DCBLD2: variants seen among roughly 807,000 people sequenced by gnomAD.
DCBLD2 encodes the protein discoidin, CUB and LCCL domain containing 2.
In DCBLD2, 54 loss-of-function variants were observed where a neutral mutation model predicts 86.8. The observed-to-expected ratio is 0.62, with a 90% CI of 0.50 to 0.78. The LOEUF (loss-of-function observed/expected upper bound fraction) is 0.78. Ranked by LOEUF, DCBLD2 falls within the 30% of genes least tolerant of loss-of-function variation. The pLI is 0.00. For missense variants in DCBLD2, 908 were observed against 954.2 expected (o/e 0.95, Z 0.64); for synonymous variants, 354 against 341.3 (o/e 1.04, Z -0.41).
At chr3:98,891,024 G>A (rs1468803758) in intron 1 of DCBLD2, among the ~76,000 whole-genome samples, 14 of 152,064 alleles carry the variant, frequency 9.2e-5, no homozygotes, top group Admixed American at 9.2e-4. Flanking sequence ...AGGAACAACA[G>A]TAAAAATGTC....
chr3:98,897,175 T>C (rs547766601), intron 1 of DCBLD2, among the ~76,000 whole-genome samples: 2 of 152,320 alleles, frequency 1.3e-5, no homozygotes, highest in Admixed American at 6.5e-5. Flanking sequence ...GATGTTCAAA[T>C]GGAATTATCA....
At position 98,822,307 on chromosome 3, in the gene DCBLD2, C is replaced by T; in HGVS notation, c.751G>A (p.Gly251Ser). ...CTAATTACAACACTGATTTGGCCGC[C>T]CAACGTGTTTGACACTACTCCTGCA... The part of the protein sequence containing the change: ...VHAGVVSNTL[G>S]GQISVVISKG... The change falls in exon 6 of 16, where the codon GGC becomes AGC. Residue 251 changes from glycine (G) to serine (S), a missense_variant. By Grantham distance (56) the Gly-to-Ser change is moderately conservative. This residue lies in a region of DCBLD2 where 606 missense variants were observed against 678.5 expected (regional missense o/e 0.89). Coordinates refer to ENST00000326840, the MANE Select transcript of DCBLD2 (RefSeq NM_080927.4). The T allele has an allele frequency of 6.2e-7, 1 of 1,613,896 alleles. No homozygotes were observed.
At position 98,849,548 on chromosome 3, in the gene DCBLD2, C is replaced by T. The variant is rs888765594; in HGVS notation, c.484G>A (p.Gly162Ser). Residue 162 changes from glycine (G) to serine (S), a missense_variant, in exon 3 of 16, where the codon GGC (glycine) becomes AGC (serine). This residue lies in a region of DCBLD2 where 294 missense variants were observed against 256.0 expected (regional missense o/e 1.15). Transcript: ENST00000326840. ...ATGAACAGCAATGTGATTTCATTGC[C>T]TTTTGATTCAATTGAATGGTTCATT... ...LQMNHSIESK[G>S]NEITLLFMSG... is the part of the protein sequence containing the mutation. 1.9e-5 allele frequency: 31 copies of T among 1,613,692 alleles called. No individual in the cohort carries two copies. In the East Asian group the frequency reaches 6.7e-4, roughly 35 times the overall value.
intron 13 of DCBLD2, among the ~76,000 whole-genome samples, chr3:98,806,347 A>G (rs943510569): frequency 3.9e-5 from 6 of 152,176 alleles, no homozygotes; most frequent in Non-Finnish European, 8.8e-5. Context: ...TTAGCATTCA[A>G]TTTTCTATAA....
intron 14 of DCBLD2, chr3:98,801,254 G>GTGT (rs1425416643): frequency 1.2e-4 from 33 of 281,208 alleles, no homozygotes; most frequent in African/African-American, 7.2e-4. Flanking sequence ...AACACACACT[G>GTGT]TGTCCTGGAG....
intron 9 of DCBLD2, chr3:98,816,072 C>G (rs951448681): frequency 2.7e-5 from 4 of 150,136 alleles, no homozygotes; most frequent in Admixed American, 2.6e-4. Flanking sequence ...AAAAAAGCCA[C>G]ATCAATCAAA....
At chr3:98,842,950 C>T (rs1450774775) in intron 3 of DCBLD2, among the ~76,000 whole-genome samples, 1 of 152,118 alleles carries the variant, frequency 6.6e-6, no homozygotes, top group Non-Finnish European at 1.5e-5. Context: ...CTTCTCAGCA[C>T]TCCTAATATG....
chr3:98,889,219 A>C (rs1468605058), intron 1 of DCBLD2, among the ~76,000 whole-genome samples: 1 of 151,988 alleles, frequency 6.6e-6, no homozygotes, highest in Admixed American at 6.6e-5. Context: ...AAGAGAAAAA[A>C]CTCACAAAAC....
At chr3:98,874,174 C>A (rs1243813766) in intron 2 of DCBLD2, among the ~76,000 whole-genome samples, 1 of 152,134 alleles carries the variant, frequency 6.6e-6, no homozygotes, top group Non-Finnish European at 1.5e-5. Flanking sequence ...CTAGATTGTT[C>A]AAATTCTCTG....
chr3:98,889,251 A>G (rs1943614479), intron 1 of DCBLD2, among the ~76,000 whole-genome samples: 1 of 152,028 alleles, frequency 6.6e-6, no homozygotes, highest in Non-Finnish European at 1.5e-5. Flanking sequence ...GTGTCATCAG[A>G]TAGTAATGGG....
chr3:98,888,558 G>A lies in DCBLD2; in HGVS notation c.206-6791C>T, dbSNP rs1943600054. ...TTAAGATTTAAACGACATACCATAC[G>A]AAAACAACTGGTGTCAAGGTCCTAA... On this transcript the variant is annotated intron_variant, in intron 1 of 15. Coordinates refer to ENST00000326840, the MANE Select transcript of DCBLD2 (RefSeq NM_080927.4). Among the ~76,000 whole-genome samples the A allele has an allele frequency of 6.6e-5, 10 of 152,022 alleles. No individual in the cohort carries two copies. The South Asian group carries it at 1.7e-3, about 25-fold the overall frequency.
rs866593806 is a variant in DCBLD2, at chr3:98,837,121, A to G, written c.572-11755T>C. On this transcript the variant is annotated intron_variant, in intron 3 of 15. Transcript: ENST00000326840. Reference sequence around the variant, plus strand: ...GGGCCGACACCCCCACCTCCCTCCCAGACGGGGTGGCTGGCCGGGCAGGGG... The same window carrying G: ...GGGCCGACACCCCCACCTCCCTCCCGGACGGGGTGGCTGGCCGGGCAGGGG... Among the ~76,000 whole-genome samples the G allele has an allele frequency of 0.046, 63 of 1,356 alleles. 28 individuals are homozygous for G. The East Asian group carries it at 0.75, about 16-fold the overall frequency. 0.9% of individuals were successfully genotyped at this position (1,356 alleles called of 152,430 possible). A position where few individuals can be genotyped will look rare whatever the true frequency, so the allele number is the denominator to read the frequency against.
At chr3:98,842,804 C>T (rs746196456) in intron 3 of DCBLD2, among the ~76,000 whole-genome samples, 1 of 151,982 alleles carries the variant, frequency 6.6e-6, no homozygotes, top group Non-Finnish European at 1.5e-5. Flanking sequence ...AAAATGAATA[C>T]AAAACATTAA....
intron 9 of DCBLD2, 82 bp downstream of exon 9, chr3:98,817,687 T>G: frequency 7.2e-7 from 1 of 1,387,274 alleles, no homozygotes; most frequent in Non-Finnish European, 1.0e-6. Context: ...CTTCTACATC[T>G]CTTTTATACA....
At chr3:98,900,418 G>A (rs1437026354) in intron 1 of DCBLD2, among the ~76,000 whole-genome samples, 2 of 152,052 alleles carry the variant, frequency 1.3e-5, no homozygotes, top group East Asian at 1.9e-4. Flanking sequence ...ATTATGATAA[G>A]TATTTAATAA....
intron 12 of DCBLD2, among the ~76,000 whole-genome samples, chr3:98,810,009 A>T (rs1220648798): frequency 6.6e-6 from 1 of 152,160 alleles, no homozygotes; most frequent in Non-Finnish European, 1.5e-5. Context: ...TTTATATACT[A>T]CCATCCCCCT....
chr3:98,836,926 C>A (rs1942473181), intron 3 of DCBLD2, among the ~76,000 whole-genome samples: 3 of 68,166 alleles, frequency 4.4e-5, no homozygotes, highest in Admixed American at 1.4e-4. Flanking sequence ...GGGGGCTGAC[C>A]CCCCCACCTC....
At chr3:98,835,841 G>A (rs972281116) in intron 3 of DCBLD2, among the ~76,000 whole-genome samples, 8 of 151,492 alleles carry the variant, frequency 5.3e-5, no homozygotes, top group East Asian at 1.9e-4. Context: ...GAGCCACCAC[G>A]CCTGGCCACT....
intron 1 of DCBLD2, among the ~76,000 whole-genome samples, chr3:98,885,944 G>A (rs1321315799): frequency 1.3e-5 from 2 of 151,650 alleles, no homozygotes; most frequent in African/African-American, 2.4e-5. Context: ...ATCTTATCAT[G>A]CACAGGAGGT....
Sources: allele counts gnomAD v4.1 joint callset (sites outside exome capture counted in the v4.1 genomes callset), GRCh38; gene constraint gnomAD v4.1.1; regional missense constraint gnomAD v4.1.1; transcripts MANE v1.5; gene names NCBI Gene and HGNC (gene_info 2026-07-23, HGNC 2026-07-21).